EIPR1: variants seen among roughly 807,000 people sequenced by gnomAD.
The protein encoded by EIPR1 is EARP complex and GARP complex interacting protein 1.
EIPR1 carries 25 observed loss-of-function variants against 48.1 expected under a neutral mutation model. The observed-to-expected ratio is 0.52, with a 90% CI of 0.38 to 0.73. The LOEUF is 0.73. Among genes scored for constraint, EIPR1 ranks in the 30% least tolerant of loss-of-function variants. EIPR1 has a pLI of 0.00. For missense variants in EIPR1, 415 were observed against 506.2 expected (o/e 0.82, Z 1.73); for synonymous variants, 204 against 201.9 (o/e 1.01, Z -0.09).
chr2:3,200,519 G>A (rs1000409031), intron 5 of EIPR1, among the ~76,000 whole-genome samples: 2 of 152,144 alleles, frequency 1.3e-5, no homozygotes, highest in Non-Finnish European at 2.9e-5. Flanking sequence ...GCTGTGTGGG[G>A]ACAGTTGGCA....
intron 3 of EIPR1, among the ~76,000 whole-genome samples, chr2:3,297,980 C>T (rs1442932414): frequency 1.3e-5 from 2 of 152,338 alleles, no homozygotes; most frequent in African/African-American, 4.8e-5. Context: ...TGCTCATTCA[C>T]TACATTCAAC....
chr2:3,251,283 T>C (rs2602751), intron 4 of EIPR1, among the ~76,000 whole-genome samples: 87,288 of 152,090 alleles, frequency 0.57, 25,416 homozygotes, highest in East Asian at 0.76. Flanking sequence ...GTAGCAGGGG[T>C]GTCAGCCACT....
intron 6 of EIPR1, among the ~76,000 whole-genome samples, chr2:3,195,632 C>G (rs1664778084): frequency 6.6e-6 from 1 of 152,168 alleles, no homozygotes; most frequent in African/African-American, 2.4e-5. Context: ...TCCCGGGGAA[C>G]TAGATGGACA....
At chr2:3,288,703 A>G (rs1668279528) in intron 3 of EIPR1, among the ~76,000 whole-genome samples, 1 of 152,216 alleles carries the variant, frequency 6.6e-6, no homozygotes, top group South Asian at 2.1e-4. Flanking sequence ...CCAACCTTCC[A>G]TCAAGACCAG....
Position 3,196,951 on chromosome 2 carries a change from G to A in EIPR1, c.583C>T (p.His195Tyr). 2 of 1,613,980 alleles carry A rather than the reference G, an allele frequency of 1.2e-6. No homozygotes were observed. Among genetic ancestry groups the A allele is most frequent in the Admixed American group, 1.7e-5 (1 of 60,030 alleles). ...LKFTSGRWSPHHNCTQVATAN... is the reference protein window; with the variant it reads ...LKFTSGRWSPYHNCTQVATAN... ...GTGGCCACCTGGGTGCAGTTATGAT[G>A]TGGGCTCCACCGTCCTGAGGTGAAC... The change falls in exon 6 of 9, where the codon CAT becomes TAT. Residue 195 changes from histidine (H) to tyrosine (Y), a missense_variant. Coordinates refer to ENST00000382125, the MANE Select transcript of EIPR1 (RefSeq NM_003310.5).
At chr2:3,284,883 A>G (rs1300385567) in intron 3 of EIPR1, among the ~76,000 whole-genome samples, 1 of 152,136 alleles carries the variant, frequency 6.6e-6, no homozygotes, top group Non-Finnish European at 1.5e-5. Context: ...CCCGGGGTAG[A>G]TCGTGGTGAG....
intron 3 of EIPR1, among the ~76,000 whole-genome samples, chr2:3,333,227 G>A (rs544001827): frequency 2.3e-4 from 35 of 152,310 alleles, no homozygotes; most frequent in African/African-American, 8.2e-4. Flanking sequence ...ATGTGCTTGC[G>A]TGCACAAGAA....
intron 1 of EIPR1, among the ~76,000 whole-genome samples, chr2:3,370,976 C>T (rs956432846): frequency 5.3e-5 from 8 of 151,976 alleles, no homozygotes; most frequent in Non-Finnish European, 8.8e-5. Context: ...AAATGTTAAG[C>T]GCAGCCAGAG....
At chr2:3,318,187 C>G (rs1014064802) in intron 3 of EIPR1, among the ~76,000 whole-genome samples, 8 of 152,246 alleles carry the variant, frequency 5.3e-5, no homozygotes, top group Non-Finnish European at 1.2e-4. Context: ...CAGAAGAGCG[C>G]AGCACACCAC....
chr2:3,240,934 T>C (rs75423196), intron 4 of EIPR1, among the ~76,000 whole-genome samples: 9 of 11,110 alleles, frequency 8.1e-4, no homozygotes, highest in East Asian at 5.8e-3. Flanking sequence ...AGCCAGCAGA[T>C]CCTTCCTAAA....
At chr2:3,272,618 G>C (rs879376071) in intron 3 of EIPR1, among the ~76,000 whole-genome samples, 2 of 152,150 alleles carry the variant, frequency 1.3e-5, no homozygotes, top group Non-Finnish European at 2.9e-5. Context: ...CATGGGCATG[G>C]TTCGTGGAGC....
chr2:3,246,806 AGGGAGGGAGGGAGGG>A (rs1666815335), intron 4 of EIPR1, among the ~76,000 whole-genome samples: 1 of 45,034 alleles, frequency 2.2e-5, no homozygotes, highest in Non-Finnish European at 4.0e-5. Flanking sequence ...GGAGGGAGGC[AGGGAGGGAGGGAGGG>A]AGGAAGGGAG....
In EIPR1 at chr2:3,356,555, G is replaced by A. The variant is rs137924419; in HGVS notation, c.43-1922C>T. Among the ~76,000 whole-genome samples, 609 of 152,264 alleles carry A rather than the reference G, an allele frequency of 4.0e-3. 8 individuals carry two copies. The highest frequency in any genetic ancestry group is 0.013 in the African/African-American group (548 of 41,528). ...TTAACTGCACCTGGATCAAGTTCCC[G>A]TGGCCAGCATAATAATGGCCCTCCA... On this transcript the variant is annotated intron_variant, in intron 1 of 8. Coordinates refer to ENST00000382125, the MANE Select transcript of EIPR1 (RefSeq NM_003310.5).
At chr2:3,292,544 A>C (rs1008706200) in intron 3 of EIPR1, among the ~76,000 whole-genome samples, 5 of 152,224 alleles carry the variant, frequency 3.3e-5, no homozygotes, top group Admixed American at 6.5e-5. Context: ...ATCTCCAGAT[A>C]GGTGCTGCTG....
chr2:3,285,321 C>T (rs1241895596), intron 3 of EIPR1, among the ~76,000 whole-genome samples: 1 of 141,764 alleles, frequency 7.1e-6, no homozygotes, highest in Non-Finnish European at 1.5e-5. Context: ...ACCCTCCCAC[C>T]CCCCCACCCC....
chr2:3,324,681 C>T (rs775795029), intron 3 of EIPR1, among the ~76,000 whole-genome samples: 3 of 152,262 alleles, frequency 2.0e-5, no homozygotes, highest in South Asian at 2.1e-4. Context: ...TCTCTCAGGA[C>T]GTCCTCAACT....
At chr2:3,254,864 G>C (rs1667105717) in intron 4 of EIPR1, among the ~76,000 whole-genome samples, 1 of 152,226 alleles carries the variant, frequency 6.6e-6, no homozygotes, top group Admixed American at 6.5e-5. Flanking sequence ...ATAAACAGGA[G>C]GAATCTGTGT....
chr2:3,294,714 T>TACAC (rs1668484501), intron 3 of EIPR1, among the ~76,000 whole-genome samples: 2 of 102,242 alleles, frequency 2.0e-5, no homozygotes, highest in Non-Finnish European at 3.9e-5. Context: ...CCATCCTCTC[T>TACAC]ACACACACCC....
At chr2:3,296,037 A>C (rs1178998660) in intron 3 of EIPR1, among the ~76,000 whole-genome samples, 5 of 40,384 alleles carry the variant, frequency 1.2e-4, no homozygotes, top group Admixed American at 3.6e-4. Context: ...CATCCTCTCT[A>C]CTCACACACA....
Sources: allele counts gnomAD v4.1 joint callset (sites outside exome capture counted in the v4.1 genomes callset), GRCh38; gene constraint gnomAD v4.1.1; transcripts MANE v1.5; gene names NCBI Gene and HGNC (gene_info 2026-07-23, HGNC 2026-07-21).